Variants in BPTF observed in about 807,000 individuals in gnomAD.
The protein encoded by BPTF is bromodomain PHD finger transcription factor, also known as nucleosome-remodeling factor subunit BPTF.
BPTF carries 18 observed loss-of-function variants against 292.5 expected under a neutral mutation model. That is an observed-to-expected ratio of 0.06 (90% CI 0.04 to 0.09). The LOEUF (loss-of-function observed/expected upper bound fraction) is 0.09. Among genes scored for constraint, BPTF ranks in the 10% least tolerant of loss-of-function variants. BPTF has a pLI of 1.00. For synonymous variants in BPTF, 1,225 were observed against 1,251.9 expected (o/e 0.98, Z 0.45); for missense variants, 2,726 against 3,498.7 (o/e 0.78, Z 5.57).
chr17:67,944,969 G>A (rs373226797), intron 20 of BPTF, among the ~76,000 whole-genome samples: 10 of 152,054 alleles, frequency 6.6e-5, no homozygotes, highest in African/African-American at 2.4e-4. Flanking sequence ...TGCCCTAAGC[G>A]TGTCCAAATG....
rs1250813393 is a variant in BPTF, at chr17:67,928,360, A to T, written c.5757A>T (p.Arg1919=). The T allele has an allele frequency of 1.2e-6, 2 of 1,604,654 alleles. No individual in the cohort carries two copies. The highest frequency in any genetic ancestry group is 1.7e-6 in the Non-Finnish European group (2 of 1,176,290). Residue 1919 remains arginine (R), a synonymous_variant, in exon 16 of 28, where the codon CGA becomes CGT. Coordinates refer to ENST00000306378, the MANE Select transcript of BPTF (RefSeq NM_182641.4). Reference sequence around the variant, plus strand: ...CCTCTCCTTCACTTTTTTAGAAACGACTGGAGCAGCAGAAGCCGACAGTGA... The same window carrying T: ...CCTCTCCTTCACTTTTTTAGAAACGTCTGGAGCAGCAGAAGCCGACAGTGA... ...AQAVEQQAKK[R]LEQQKPTVIA...
Position 67,945,563 on chromosome 17 carries a change from C to A in BPTF, c.6855C>A (p.Pro2285=). ...PSAQPQPQTQ[P]QSPAQPEVQT... is the part of the protein sequence containing the mutation. Reference sequence around the variant, plus strand: ...CTCAGCCCCAGCCCCAAACCCAGCCCCAGTCCCCAGCTCAGCCTGAAGTTC... The same window carrying A: ...CTCAGCCCCAGCCCCAAACCCAGCCACAGTCCCCAGCTCAGCCTGAAGTTC... Residue 2285 remains proline, a synonymous_variant, in exon 21 of 28, where the codon CCC becomes CCA. Transcript: ENST00000306378. 6.2e-7 allele frequency: 1 copy of A among 1,611,052 alleles called. No individual in the cohort carries two copies. The highest frequency in any genetic ancestry group is 1.3e-5 in the African/African-American group (1 of 74,918).
chr17:67,909,667 T>A lies in BPTF; in HGVS notation c.2898T>A (p.Asp966Glu). Residue 966 changes from aspartate to glutamate, a missense_variant, in exon 10 of 28, where the codon GAT becomes GAA. This residue lies in a region of BPTF where 713 missense variants were observed against 714.9 expected (regional missense o/e 1.00). Transcript: ENST00000306378. ...RSPKKIKIEPDSEKDEVKGSD... is the reference protein window; with the variant it reads ...RSPKKIKIEPESEKDEVKGSD... ...CAAAAAAAATAAAAATAGAGCCTGA[T>A]TCTGAAAAAGATGAGGTAAAAGGTT... 6.2e-7 allele frequency: 1 copy of A among 1,606,304 alleles called. No individual in the cohort carries two copies. The highest frequency in any genetic ancestry group is 8.5e-7 in the Non-Finnish European group (1 of 1,177,500).
chr17:67,967,687 C>T (rs1462840823), intron 26 of BPTF, among the ~76,000 whole-genome samples: 1 of 151,906 alleles, frequency 6.6e-6, no homozygotes, highest in Non-Finnish European at 1.5e-5. Context: ...GTTGTGGTGG[C>T]AGGCATTTGT....
chr17:67,916,765 C>CAAAAAAAAAAAAA (rs768285922), intron 11 of BPTF, among the ~76,000 whole-genome samples: 1 of 56,382 alleles, frequency 1.8e-5, no homozygotes, highest in Non-Finnish European at 3.9e-5. Flanking sequence ...TACTCTGTCT[C>CAAAAAAAAAAAAA]AAAAAAAAAA....
intron 26 of BPTF, among the ~76,000 whole-genome samples, chr17:67,973,053 TTTATATATATATAA>T (rs1254413125): frequency 7.0e-6 from 1 of 142,540 alleles, no homozygotes; most frequent in African/African-American, 2.5e-5. Context: ...ATATATATAT[TTTATATATATATAA>T]ATATATATAT....
At chr17:67,834,355 A>C (rs1001969553) in intron 1 of BPTF, among the ~76,000 whole-genome samples, 8 of 152,222 alleles carry the variant, frequency 5.3e-5, no homozygotes, top group Non-Finnish European at 7.3e-5. Flanking sequence ...GTCTAAGTGA[A>C]TGTTCCATAT....
intron 26 of BPTF, among the ~76,000 whole-genome samples, chr17:67,971,585 C>T (rs1318660715): frequency 6.6e-6 from 1 of 151,806 alleles, no homozygotes; most frequent in Admixed American, 6.6e-5. Context: ...GCAGGCGGAT[C>T]ATGAGTTCAA....
intron 27 of BPTF, among the ~76,000 whole-genome samples, chr17:67,978,765 C>T (rs2069903772): frequency 6.6e-6 from 1 of 152,058 alleles, no homozygotes; most frequent in Admixed American, 6.6e-5. Flanking sequence ...GAAAATGACT[C>T]ATACATTAGA....
Position 67,922,860 on chromosome 17 carries a change from A to C in BPTF, c.5578A>C (p.Lys1860Gln), listed in dbSNP as rs1200245783. Residue 1860 changes from lysine (K) to glutamine (Q), a missense_variant, in exon 14 of 28, where the codon AAA becomes CAA. Physicochemically the swap from Lys to Gln is moderately conservative, Grantham distance 53 (BLOSUM62 1). Around this residue, in one of 22 missense-constraint regions of BPTF, gnomAD observed 198 missense variants for 277.1 expected, o/e 0.71. Transcript: ENST00000306378. Reference protein sequence around the residue: ...TPKETPTPQRKGLRSSALRPK... With the variant: ...TPKETPTPQRQGLRSSALRPK... ...CAAAGAAACGCCTACACCTCAGAGGAAAGGCCTTCGATCAAGTGCACTGCG... is the reference window on the plus strand; with the variant it reads ...CAAAGAAACGCCTACACCTCAGAGGCAAGGCCTTCGATCAAGTGCACTGCG... 1.7e-5 allele frequency: 28 copies of C among 1,611,798 alleles called. No individual in the cohort carries two copies. The highest frequency in any genetic ancestry group is 2.4e-5 in the Non-Finnish European group (28 of 1,179,484).
chr17:67,979,742 GT>G (rs2070090427), intron 27 of BPTF, among the ~76,000 whole-genome samples: 1 of 151,918 alleles, frequency 6.6e-6, no homozygotes, highest in African/African-American at 2.4e-5. Context: ...AGAAATAGCA[GT>G]ATAAGAAATT....
rs765262835 is a variant in BPTF at position 67,853,964 on chromosome 17, G to A, written c.638G>A (p.Arg213Gln). Residue 213 changes from arginine to glutamine, a missense_variant, in exon 2 of 28, where the codon CGG becomes CAG. Coordinates refer to ENST00000306378, the MANE Select transcript of BPTF (RefSeq NM_182641.4). Reference sequence around the variant, plus strand: ...GGTAGGCGAAAACCAAGAGTACATCGGCCTCGTTCTCCTATATTGGAAGAA... The same window carrying A: ...GGTAGGCGAAAACCAAGAGTACATCAGCCTCGTTCTCCTATATTGGAAGAA... ...TPGRRKPRVH[R>Q]PRSPILEEKD... 5 of 1,611,964 alleles carry A rather than the reference G, an allele frequency of 3.1e-6. No homozygotes were observed. The highest frequency in any genetic ancestry group is 1.7e-5 in the Admixed American group (1 of 59,920).
intron 27 of BPTF, 48 bp downstream of exon 27, chr17:67,976,006 C>G (rs567288813): frequency 1.4e-6 from 2 of 1,441,390 alleles, no homozygotes; most frequent in East Asian, 2.3e-5. Context: ...TCTTCACACT[C>G]TTTATACTAT....
intron 4 of BPTF, among the ~76,000 whole-genome samples, chr17:67,883,847 C>T (rs1460200055): frequency 1.3e-5 from 2 of 152,140 alleles, no homozygotes; most frequent in South Asian, 2.1e-4. Flanking sequence ...GTTCCACCTG[C>T]CTTGGCCTCC....
intron 23 of BPTF, 114 bp downstream of exon 23, chr17:67,948,420 A>G (rs1568151479): frequency 6.2e-6 from 6 of 965,266 alleles, no homozygotes; most frequent in Non-Finnish European, 9.0e-6. Flanking sequence ...TAGAACTTAC[A>G]TTTGTGTACA....
intron 7 of BPTF, among the ~76,000 whole-genome samples, chr17:67,896,254 A>G (rs1280686361): frequency 2.0e-5 from 3 of 152,286 alleles, no homozygotes; most frequent in South Asian, 4.1e-4. Flanking sequence ...GAGTGACTGC[A>G]CCCAGCCAAT....
chr17:67,825,552 G>A lies in BPTF; in HGVS notation c.-173G>A, dbSNP rs763690340. On this transcript the variant is annotated 5_prime_UTR_variant, in exon 1 of 28. Transcript: ENST00000306378. ...CAAGATGGCGGCTGAAGGCGATCCG[G>A]AGTGGGGCCCCAGCAATTCGGATTG... 1.2e-5 allele frequency: 5 copies of A among 429,550 alleles called. No homozygotes were observed. The highest frequency in any genetic ancestry group is 1.1e-4 in the African/African-American group (5 of 46,172). The allele number at this position is 429,550 out of a possible 1,614,324, so 26.6% of individuals were successfully genotyped here.
intron 2 of BPTF, among the ~76,000 whole-genome samples, chr17:67,861,019 C>T (rs544843819): frequency 5.9e-5 from 9 of 152,280 alleles, no homozygotes; most frequent in Non-Finnish European, 1.0e-4. Flanking sequence ...TTCTGTATGT[C>T]CAGCAGACTC....
intron 1 of BPTF, 55 bp downstream of exon 1, chr17:67,826,392 C>G (rs1318205886): frequency 8.5e-6 from 13 of 1,533,100 alleles, no homozygotes; most frequent in South Asian, 4.9e-5. Context: ...CTGCCCTCCC[C>G]CCTTGCTCAC....
Sources: allele counts gnomAD v4.1 joint callset (sites outside exome capture counted in the v4.1 genomes callset), GRCh38; gene constraint gnomAD v4.1.1; regional missense constraint gnomAD v4.1.1; transcripts MANE v1.5; gene names NCBI Gene and HGNC (gene_info 2026-07-23, HGNC 2026-07-21).